Variants in DOCK3 observed in about 807,000 individuals in gnomAD.
DOCK3 encodes the protein dedicator of cytokinesis protein 3.
DOCK3 carries 60 observed loss-of-function variants against 265.6 expected under a neutral mutation model. The ratio of observed to expected loss-of-function variants is 0.23; its 90% CI spans 0.18 to 0.28. The LOEUF (loss-of-function observed/expected upper bound fraction) is 0.28, where lower values mean the gene tolerates loss of function less well. DOCK3 is among the 10% of genes least tolerant of loss of function. The pLI is 1.00. For synonymous variants in DOCK3, 881 were observed against 938.0 expected (o/e 0.94, Z 1.11); for missense variants, 1,981 against 2,594.3 (o/e 0.76, Z 5.14).
chr3:51,259,220 A>G (rs1215149875), intron 22 of DOCK3, among the ~76,000 whole-genome samples: 1 of 152,230 alleles, frequency 6.6e-6, no homozygotes, highest in African/African-American at 2.4e-5. Flanking sequence ...TGTATGGGCC[A>G]CAAAATATTA....
intron 4 of DOCK3, among the ~76,000 whole-genome samples, chr3:50,908,028 C>G (rs977427062): frequency 6.6e-6 from 1 of 152,004 alleles, no homozygotes; most frequent in Admixed American, 6.6e-5. Context: ...ATAGTATTCT[C>G]TATTGGTGGT....
At chr3:51,185,269 T>A (rs2087530099) in intron 12 of DOCK3, among the ~76,000 whole-genome samples, 1 of 152,192 alleles carries the variant, frequency 6.6e-6, no homozygotes, top group Non-Finnish European at 1.5e-5. Flanking sequence ...AAAGTGTTAA[T>A]AATAGGAGAA....
At chr3:50,730,341 C>T (rs187733598) in intron 1 of DOCK3, among the ~76,000 whole-genome samples, 32 of 151,350 alleles carry the variant, frequency 2.1e-4, no homozygotes, top group Non-Finnish European at 4.0e-4. Flanking sequence ...TGGGGTTTTG[C>T]CATGTTGGCC....
chr3:50,809,826 A>G (rs1408106882), intron 2 of DOCK3, among the ~76,000 whole-genome samples: 1 of 152,206 alleles, frequency 6.6e-6, no homozygotes, highest in Admixed American at 6.5e-5. Flanking sequence ...TACAAAAAGG[A>G]CAGAATCAGG....
intron 9 of DOCK3, among the ~76,000 whole-genome samples, chr3:51,102,445 A>G (rs2083123141): frequency 6.6e-6 from 1 of 152,234 alleles, no homozygotes; most frequent in Non-Finnish European, 1.5e-5. Flanking sequence ...GTGTTTAAAA[A>G]CAAAGTCTGG....
At chr3:50,736,827 G>T (rs1217542552) in intron 1 of DOCK3, among the ~76,000 whole-genome samples, 8 of 151,416 alleles carry the variant, frequency 5.3e-5, no homozygotes, top group Non-Finnish European at 4.4e-5. Flanking sequence ...CTCCCAAGTA[G>T]CTGGGACTAC....
chr3:51,263,347 A>G (rs1576585412), intron 23 of DOCK3, among the ~76,000 whole-genome samples: 1 of 152,204 alleles, frequency 6.6e-6, no homozygotes, highest in Admixed American at 6.5e-5. Flanking sequence ...GAGAAATAAA[A>G]TCTTTTACAG....
Position 51,205,197 on chromosome 3 carries a change from GAAAAAA to G in DOCK3, c.1038-3573_1038-3568del, listed in dbSNP as rs532613332. Among the ~76,000 whole-genome samples the G allele has an allele frequency of 3.8e-3, 563 of 148,690 alleles. 3 individuals carry two copies. The highest frequency in any genetic ancestry group is 0.013 in the African/African-American group (539 of 40,620). On this transcript the variant is annotated intron_variant, in intron 12 of 52. Transcript: ENST00000266037. ...AAATAAATAAATAAATAAATACAGT[GAAAAAA>G]AAAGAAAAAGAAGGTCCACATCTAT... is the stretch of plus-strand genomic sequence containing the variant.
intron 5 of DOCK3, among the ~76,000 whole-genome samples, chr3:50,962,234 T>C (rs548748451): frequency 6.6e-6 from 1 of 152,130 alleles, no homozygotes; most frequent in Non-Finnish European, 1.5e-5. Flanking sequence ...CTCCCACTTA[T>C]GAGATGAACC....
chr3:50,993,522 A>C (rs55731480), intron 5 of DOCK3, among the ~76,000 whole-genome samples: 2,895 of 152,276 alleles, frequency 0.019, 109 homozygotes, highest in African/African-American at 0.067. Flanking sequence ...TCAACCCTGG[A>C]CTTTCAAAAC....
chr3:50,756,080 G>C (rs1282901402), intron 1 of DOCK3, among the ~76,000 whole-genome samples: 2 of 152,194 alleles, frequency 1.3e-5, no homozygotes, highest in Non-Finnish European at 2.9e-5. Flanking sequence ...GCATGGTTCT[G>C]GGGTTTCTGT....
intron 14 of DOCK3, among the ~76,000 whole-genome samples, chr3:51,217,409 A>G (rs2089847395): frequency 6.6e-6 from 1 of 152,242 alleles, no homozygotes; most frequent in Non-Finnish European, 1.5e-5. Flanking sequence ...CTCATGACCC[A>G]TGATAATGAG....
intron 48 of DOCK3, 59 bp from the exon 49 acceptor site, chr3:51,362,468 C>T: frequency 6.2e-7 from 1 of 1,608,644 alleles, no homozygotes; most frequent in Non-Finnish European, 8.5e-7. Flanking sequence ...AAACTCTGTG[C>T]CAGCCCTAAA....
chr3:50,765,079 T>G (rs1432411906), intron 1 of DOCK3, among the ~76,000 whole-genome samples: 22 of 135,752 alleles, frequency 1.6e-4, no homozygotes, highest in Admixed American at 1.4e-3. Context: ...TAGGTTTTTT[T>G]TTTTTTTTTT....
intron 27 of DOCK3, among the ~76,000 whole-genome samples, chr3:51,299,157 T>G (rs2082249384): frequency 6.6e-6 from 1 of 152,246 alleles, no homozygotes; most frequent in Non-Finnish European, 1.5e-5. Flanking sequence ...TCATTTGCAT[T>G]TCTCTAATGA....
chr3:51,037,691 C>T (rs377107071), intron 5 of DOCK3, among the ~76,000 whole-genome samples: 3 of 151,992 alleles, frequency 2.0e-5, no homozygotes, highest in Non-Finnish European at 4.4e-5. Flanking sequence ...TTTTCTTCTT[C>T]GTCTCATTGT....
intron 40 of DOCK3, 30 bp downstream of exon 40, chr3:51,350,422 T>TA: frequency 6.3e-7 from 1 of 1,595,496 alleles, no homozygotes; most frequent in Non-Finnish European, 8.5e-7. Flanking sequence ...CACAAGAACT[T>TA]ATATATTTTA....
At chr3:51,093,026 C>G (rs1170557772) in intron 9 of DOCK3, among the ~76,000 whole-genome samples, 1 of 152,106 alleles carries the variant, frequency 6.6e-6, no homozygotes, top group African/African-American at 2.4e-5. Flanking sequence ...CTCTTCTGTT[C>G]CATTGGCCTA....
chr3:51,332,660 C>G (rs2084603155), intron 33 of DOCK3, among the ~76,000 whole-genome samples: 1 of 152,090 alleles, frequency 6.6e-6, no homozygotes. Context: ...GGCAACATAG[C>G]AAGACCCCAT....
Sources: gnomAD v4.1 joint callset for allele counts (sites outside exome capture counted in the v4.1 genomes callset) on GRCh38, gnomAD v4.1.1 for gene constraint, MANE v1.5 for transcripts, NCBI Gene and HGNC (gene_info 2026-07-23, HGNC 2026-07-21) for gene names.